PLGRKT: variants seen among roughly 807,000 people sequenced by gnomAD.
PLGRKT encodes the protein plasminogen receptor with a C-terminal lysine.
In PLGRKT, 22 loss-of-function variants were observed where a neutral mutation model predicts 18.5. That is an observed-to-expected ratio of 1.19 (90% CI 0.85 to 1.70). The LOEUF (loss-of-function observed/expected upper bound fraction) is 1.70. Ranked by LOEUF, PLGRKT falls within the 40% of genes most tolerant of loss-of-function variation. The pLI, the probability that PLGRKT is intolerant of heterozygous loss-of-function variation, is 0.00. For synonymous variants in PLGRKT, 72 were observed against 52.8 expected, an observed-to-expected ratio of 1.36 and a Z score of -1.58; for missense variants, 235 against 174.4, an observed-to-expected ratio of 1.35 and a Z score of -1.96.
intron 2 of PLGRKT, among the ~76,000 whole-genome samples, chr9:5,435,756 T>A (rs1370934164): frequency 6.6e-6 from 1 of 152,206 alleles, no homozygotes; most frequent in Admixed American, 6.5e-5. Flanking sequence ...TTCTCAACAA[T>A]GTTGCTGATA....
intron 3 of PLGRKT, among the ~76,000 whole-genome samples, chr9:5,402,879 A>T (rs1818181950): frequency 6.6e-5 from 10 of 151,986 alleles, no homozygotes; most frequent in Admixed American, 6.6e-4. Flanking sequence ...TTAGTTGTAA[A>T]GTAAATACTA....
intron 3 of PLGRKT, among the ~76,000 whole-genome samples, chr9:5,383,555 C>G (rs1248295757): frequency 1.3e-5 from 2 of 152,098 alleles, no homozygotes; most frequent in Non-Finnish European, 2.9e-5. Flanking sequence ...AATTATACAA[C>G]TCACCATAAT....
intron 3 of PLGRKT, among the ~76,000 whole-genome samples, chr9:5,410,949 A>T (rs1356912168): frequency 6.6e-6 from 1 of 152,234 alleles, no homozygotes; most frequent in African/African-American, 2.4e-5. Flanking sequence ...ATTAATTGTT[A>T]TATGGCTAAA....
chr9:5,381,381 A>C (rs1201612107), intron 3 of PLGRKT, among the ~76,000 whole-genome samples: 1 of 152,178 alleles, frequency 6.6e-6, no homozygotes, highest in East Asian at 1.9e-4. Flanking sequence ...AGCTGTGGCT[A>C]AAAAGGGCCA....
intron 3 of PLGRKT, among the ~76,000 whole-genome samples, chr9:5,394,716 G>T (rs184994547): frequency 1.3e-5 from 2 of 151,620 alleles, no homozygotes; most frequent in Admixed American, 1.3e-4. Context: ...TGACAGGGAA[G>T]TTTTTTTTTA....
At chr9:5,406,476 G>A (rs1359906329) in intron 3 of PLGRKT, among the ~76,000 whole-genome samples, 1 of 152,118 alleles carries the variant, frequency 6.6e-6, no homozygotes, top group African/African-American at 2.4e-5. Context: ...GGATGAAGCT[G>A]GAAGCCATTA....
At chr9:5,401,295 AG>A (rs140173270) in intron 3 of PLGRKT, among the ~76,000 whole-genome samples, 40,943 of 151,608 alleles carry the variant, frequency 0.27, 6,406 homozygotes, top group African/African-American at 0.39. Context: ...AGGACGGGCT[AG>A]AAAAAAATAT....
intron 3 of PLGRKT, among the ~76,000 whole-genome samples, chr9:5,405,158 A>G (rs1818231604): frequency 6.6e-6 from 1 of 152,098 alleles, no homozygotes; most frequent in African/African-American, 2.4e-5. Flanking sequence ...GGAAGAATCA[A>G]TATCGTAAAA....
At chr9:5,437,383 T>G (rs924792825) in intron 1 of PLGRKT, among the ~76,000 whole-genome samples, 1 of 152,208 alleles carries the variant, frequency 6.6e-6, no homozygotes, top group African/African-American at 2.4e-5. Flanking sequence ...TGCATCCCAT[T>G]GAAATTAAGC....
chr9:5,366,284 C>T (rs1164262782), intron 3 of PLGRKT, among the ~76,000 whole-genome samples: 1 of 152,094 alleles, frequency 6.6e-6, no homozygotes, highest in Non-Finnish European at 1.5e-5. Flanking sequence ...ACATTAAAAA[C>T]AACAAATAAA....
In PLGRKT at chr9:5,381,811, G is replaced by C. The variant is rs560866434; in HGVS notation, c.82-19923C>G. ...TCTAGAAACATGGCCAACAATTGTA[G>C]TTTTAAAAAATACATAAAGCAAAAA... is the stretch of plus-strand genomic sequence containing the variant. On this transcript the variant is annotated intron_variant, in intron 3 of 5. Transcript: ENST00000223864. 6.3e-5 allele frequency: 56 copies of C among 893,592 alleles called. No individual in the cohort carries two copies. In the African/African-American group the frequency reaches 9.9e-4, roughly 16 times the overall value. 55.4% of individuals were successfully genotyped at this position (893,592 alleles called of 1,614,324 possible).
chr9:5,358,432 A>G, intron 5 of PLGRKT, 72 bp from the exon 6 acceptor site: 5 of 1,396,264 alleles, frequency 3.6e-6, no homozygotes, highest in Middle Eastern at 1.8e-4. Context: ...CCTGATTGCT[A>G]TATTCCTTGA....
intron 3 of PLGRKT, among the ~76,000 whole-genome samples, chr9:5,373,176 T>C (rs1428117248): frequency 6.6e-6 from 1 of 152,168 alleles, no homozygotes; most frequent in African/African-American, 2.4e-5. Context: ...AATTATTCCG[T>C]TTAAATCTCT....
intron 3 of PLGRKT, among the ~76,000 whole-genome samples, chr9:5,431,191 T>A (rs576719345): frequency 2.0e-5 from 3 of 152,206 alleles, no homozygotes; most frequent in Admixed American, 6.5e-5. Flanking sequence ...GCCAGCAGTG[T>A]AGCATCTTCA....
chr9:5,361,257 G>GAA, intron 4 of PLGRKT, 70 bp from the exon 5 acceptor site: 2 of 788,604 alleles, frequency 2.5e-6, no homozygotes, highest in Non-Finnish European at 2.1e-6. Context: ...TATACTTAAA[G>GAA]AAAAAAAAAT....
At chr9:5,390,895 C>A (rs1817938174) in intron 3 of PLGRKT, among the ~76,000 whole-genome samples, 1 of 151,852 alleles carries the variant, frequency 6.6e-6, no homozygotes, top group Admixed American at 6.6e-5. Context: ...GAAAAAAGTT[C>A]TATTTACTAA....
At position 5,418,210 on chromosome 9, in the gene PLGRKT, C is replaced by G. The variant is rs1024368726; in HGVS notation, c.81+13687G>C. Among the ~76,000 whole-genome samples the G allele has an allele frequency of 6.6e-6, 1 of 152,132 alleles. No homozygotes were observed. Among genetic ancestry groups the G allele is most frequent in the Admixed American group, 6.5e-5 (1 of 15,278 alleles). On this transcript the variant is annotated intron_variant, in intron 3 of 5. Transcript: ENST00000223864. This position sits in a 1 kb window ranked among gnomAD's most constrained non-coding sequence, Gnocchi z 4.2. ...ATCTTGTTGAGACCTCACCTTCTGC[C>G]CTTCATGTCTGTCTTGCGGTAAATC...
intron 3 of PLGRKT, among the ~76,000 whole-genome samples, chr9:5,412,816 C>T (rs1307486371): frequency 6.6e-6 from 1 of 151,986 alleles, no homozygotes; most frequent in African/African-American, 2.4e-5. Flanking sequence ...TTTTAAACCA[C>T]CGTAAACAAG....
At chr9:5,369,897 A>G (rs553057075) in intron 3 of PLGRKT, among the ~76,000 whole-genome samples, 1 of 152,204 alleles carries the variant, frequency 6.6e-6, no homozygotes, top group African/African-American at 2.4e-5. Flanking sequence ...ATGAGAACAA[A>G]TGGACACAGG....
Sources: gnomAD v4.1 joint callset for allele counts (sites outside exome capture counted in the v4.1 genomes callset) on GRCh38, gnomAD v4.1.1 for gene constraint, Gnocchi (gnomAD v3.1) non-coding constraint, MANE v1.5 for transcripts, NCBI Gene and HGNC (gene_info 2026-07-23, HGNC 2026-07-21) for gene names.